CABP1: variants seen among roughly 807,000 people sequenced by gnomAD.
CABP1 encodes the protein calcium binding protein 1.
CABP1 carries 17 observed loss-of-function variants against 34.3 expected under a neutral mutation model. The observed-to-expected ratio is 0.50, with a 90% CI of 0.34 to 0.74. CABP1 has a LOEUF of 0.74. CABP1 is among the 30% of genes least tolerant of loss of function. The pLI is 0.01. For missense variants in CABP1, 373 were observed against 511.1 expected, an observed-to-expected ratio of 0.73 and a Z score of 2.61; for synonymous variants, 198 against 229.2, an observed-to-expected ratio of 0.86 and a Z score of 1.23.
intron 1 of CABP1, among the ~76,000 whole-genome samples, chr12:120,656,858 G>A (rs495265): frequency 0.52 from 78,491 of 151,956 alleles, 20,994 homozygotes; most frequent in Non-Finnish European, 0.6. Context: ...TCGCGCCATG[G>A]CACTCCAGCC....
At chr12:120,666,265 C>T (rs1186078658) in intron 5 of CABP1, among the ~76,000 whole-genome samples, 2 of 147,188 alleles carry the variant, frequency 1.4e-5, no homozygotes, top group Non-Finnish European at 3.0e-5. Context: ...TTCAGAAAAG[C>T]TGAGAGGAGA....
At chr12:120,668,621 G>C (rs1241089218), downstream of CABP1, among the ~76,000 whole-genome samples, 3 of 152,184 alleles carry the variant, frequency 2.0e-5, no homozygotes, top group African/African-American at 7.2e-5. Flanking sequence ...TAAAGGATGG[G>C]GTCAGTGCAT....
the CABP1 span, among the ~76,000 whole-genome samples, chr12:120,679,084 A>AAC: frequency 1.3e-5 from 2 of 151,636 alleles, no homozygotes; most frequent in Admixed American, 1.3e-4. Flanking sequence ...AAAAAAAAAA[A>AAC]AAAAAAAAAC....
At chr12:120,668,729 C>T (rs139552053), downstream of CABP1, among the ~76,000 whole-genome samples, 10 of 152,298 alleles carry the variant, frequency 6.6e-5, no homozygotes, top group African/African-American at 1.9e-4. Flanking sequence ...CATTGTAATT[C>T]GTTTCTATAA....
rs545169108 is a variant in CABP1, at chr12:120,642,190, CT to C, written c.654+852del. On this transcript the variant is annotated intron_variant, in intron 1 of 5. Coordinates refer to ENST00000316803, the MANE Select transcript of CABP1 (RefSeq NM_001033677.2). Reference sequence around the variant, plus strand: ...GCCAGGGTTTCCCCTAGTTCGGAGTCTGTAATCAAGTCAAACTCATTGGCAC... The same window carrying C: ...GCCAGGGTTTCCCCTAGTTCGGAGTCGTAATCAAGTCAAACTCATTGGCAC... 1.3e-3 allele frequency among the ~76,000 whole-genome samples: 200 copies of C among 152,280 alleles called. 2 individuals are homozygous for C. Among genetic ancestry groups the C allele is most frequent in the African/African-American group, 4.5e-3 (187 of 41,540 alleles).
intron 1 of CABP1, chr12:120,650,609 G>C (rs372807121): frequency 2.5e-6 from 4 of 1,613,768 alleles, no homozygotes; most frequent in South Asian, 2.2e-5. Context: ...TGGACCCGGG[G>C]ATCCCAAGAG....
chr12:120,650,757 C>T, intron 1 of CABP1: 1 of 1,488,036 alleles, frequency 6.7e-7, no homozygotes, highest in Non-Finnish European at 9.4e-7. Flanking sequence ...AGGTTGGGCA[C>T]AGAAAGGGTG....
the CABP1 span, among the ~76,000 whole-genome samples, chr12:120,673,211 A>G: frequency 6.6e-6 from 1 of 152,184 alleles, no homozygotes; most frequent in Non-Finnish European, 1.5e-5. Context: ...GGTGATTACA[A>G]GAGTGCTTGC....
intron 1 of CABP1, among the ~76,000 whole-genome samples, chr12:120,652,101 C>G (rs1879883136): frequency 6.6e-6 from 1 of 152,180 alleles, no homozygotes; most frequent in African/African-American, 2.4e-5. Flanking sequence ...ATTCCCTTGT[C>G]CATCCATCAA....
the CABP1 span, among the ~76,000 whole-genome samples, chr12:120,678,317 G>A: frequency 6.6e-6 from 1 of 152,138 alleles, no homozygotes; most frequent in South Asian, 2.1e-4. Flanking sequence ...AGTTTTATGG[G>A]TCAAGGTGAA....
rs34224330 is a variant in CABP1, at chr12:120,652,363, CTT to C, written c.655-7504_655-7503del. ...GTTTCTATCATAGTATTAATAATTG[CTT>C]TTTTTTTTTTCTAAATATCTGCAAC... On this transcript the variant is annotated intron_variant, in intron 1 of 5. Coordinates refer to ENST00000316803, the MANE Select transcript of CABP1 (RefSeq NM_001033677.2). 4.8e-3 allele frequency among the ~76,000 whole-genome samples: 704 copies of C among 147,676 alleles called. 10 individuals carry two copies. The highest frequency in any genetic ancestry group is 0.015 in the African/African-American group (613 of 40,644).
intron 1 of CABP1, among the ~76,000 whole-genome samples, chr12:120,646,019 C>T (rs1162680963): frequency 3.9e-5 from 6 of 152,204 alleles, no homozygotes; most frequent in African/African-American, 1.4e-4. Flanking sequence ...CCACTGTACT[C>T]TAGCCACAGT....
chr12:120,653,318 T>G (rs1006445119), intron 1 of CABP1, among the ~76,000 whole-genome samples: 4 of 152,176 alleles, frequency 2.6e-5, no homozygotes, highest in South Asian at 2.1e-4. Context: ...GAGCACTTTA[T>G]GTGTATAACT....
chr12:120,655,958 T>C, intron 1 of CABP1: 1 of 1,543,988 alleles, frequency 6.5e-7, no homozygotes, highest in Non-Finnish European at 8.7e-7. Context: ...CTGTGCACGC[T>C]CAGGGCTCTC....
At chr12:120,671,960 T>C (rs571217834), downstream of CABP1, among the ~76,000 whole-genome samples, 107 of 152,218 alleles carry the variant, frequency 7.0e-4, no homozygotes, top group African/African-American at 2.4e-3. Flanking sequence ...CCCAGCTACT[T>C]GGGATGCTGA....
downstream of CABP1, among the ~76,000 whole-genome samples, chr12:120,670,896 T>C (rs1354197049): frequency 6.6e-6 from 1 of 152,170 alleles, no homozygotes; most frequent in Non-Finnish European, 1.5e-5. Flanking sequence ...CCAGGCCCCA[T>C]GCAAGACTTC....
the CABP1 span, among the ~76,000 whole-genome samples, chr12:120,672,504 G>C: frequency 6.6e-6 from 1 of 150,514 alleles, no homozygotes; most frequent in African/African-American, 2.4e-5. Flanking sequence ...TGGTAGCACA[G>C]GCCTGTAATC....
intron 5 of CABP1, among the ~76,000 whole-genome samples, chr12:120,665,840 T>G (rs189062748): frequency 5.9e-4 from 89 of 151,356 alleles, no homozygotes; most frequent in African/African-American, 2.1e-3. Flanking sequence ...GCTAACATGG[T>G]GAAACCCCAT....
At chr12:120,658,356 G>A (rs1033824068) in intron 1 of CABP1, among the ~76,000 whole-genome samples, 9 of 152,140 alleles carry the variant, frequency 5.9e-5, no homozygotes, top group African/African-American at 1.9e-4. Context: ...CCTTGGCCTC[G>A]TAAAGTGCTA....
Sources: gnomAD v4.1 joint callset for allele counts (sites outside exome capture counted in the v4.1 genomes callset) on GRCh38, gnomAD v4.1.1 for gene constraint, MANE v1.5 for transcripts, NCBI Gene and HGNC (gene_info 2026-07-23, HGNC 2026-07-21) for gene names.